Variants in SPIDR observed in about 807,000 individuals in gnomAD.
The protein encoded by SPIDR is scaffold protein involved in DNA repair.
A neutral mutation model predicts 104.6 loss-of-function variants in SPIDR; 93 were observed. The ratio of observed to expected loss-of-function variants is 0.89; its 90% CI spans 0.75 to 1.06. SPIDR has a LOEUF of 1.06. Ranked by LOEUF, SPIDR falls within the 50% of genes least tolerant of loss-of-function variation. The pLI, the probability that SPIDR is intolerant of heterozygous loss-of-function variation, is 0.00. For synonymous variants in SPIDR, 431 were observed against 416.9 expected, an observed-to-expected ratio of 1.03 and a Z score of -0.41; for missense variants, 1,154 against 1,111.2, an observed-to-expected ratio of 1.04 and a Z score of -0.55.
intron 5 of SPIDR, among the ~76,000 whole-genome samples, chr8:47,322,735 A>C (rs1020428139): frequency 6.6e-5 from 10 of 152,188 alleles, no homozygotes; most frequent in African/African-American, 9.7e-5. Context: ...TGGCACATAT[A>C]CACCATGGAA....
intron 1 of SPIDR, among the ~76,000 whole-genome samples, chr8:47,274,496 T>G (rs1026094337): frequency 1.3e-5 from 2 of 152,294 alleles, no homozygotes; most frequent in Admixed American, 1.3e-4. Context: ...CTGCACGTTT[T>G]AAAAATATCT....
At chr8:47,280,564 T>C (rs941746184) in intron 2 of SPIDR, among the ~76,000 whole-genome samples, 88 of 152,268 alleles carry the variant, frequency 5.8e-4, no homozygotes, top group African/African-American at 2.0e-3. Flanking sequence ...GGCTGATTTT[T>C]GTATTTTTTG....
chr8:47,270,472 G>T (rs2035069363), intron 1 of SPIDR, among the ~76,000 whole-genome samples: 1 of 151,986 alleles, frequency 6.6e-6, no homozygotes, highest in African/African-American at 2.4e-5. Context: ...TGCAAAATTG[G>T]TAGTGCTTCC....
intron 5 of SPIDR, among the ~76,000 whole-genome samples, chr8:47,391,415 C>A (rs1317816659): frequency 6.6e-6 from 1 of 152,016 alleles, no homozygotes; most frequent in Non-Finnish European, 1.5e-5. Flanking sequence ...TGGCACACAT[C>A]TGTAGCTTCA....
chr8:47,300,927 AT>A (rs1246037445), intron 5 of SPIDR, among the ~76,000 whole-genome samples: 3 of 152,152 alleles, frequency 2.0e-5, no homozygotes, highest in Non-Finnish European at 4.4e-5. Flanking sequence ...TATTCTGTTG[AT>A]TGGGGGTGGA....
At chr8:47,467,539 A>T (rs1041902473) in intron 8 of SPIDR, among the ~76,000 whole-genome samples, 2 of 152,242 alleles carry the variant, frequency 1.3e-5, no homozygotes, top group African/African-American at 4.8e-5. Context: ...TATCCCTGGG[A>T]TGCAAGATTG....
chr8:47,697,966 T>C (rs1291043978), intron 11 of SPIDR: 1 of 152,178 alleles, frequency 6.6e-6, no homozygotes, highest in East Asian at 1.9e-4. Context: ...CTTCTCTCCT[T>C]GTCTGCTCCA....
chr8:47,389,688 CAAAA>C (rs11295388), intron 5 of SPIDR, among the ~76,000 whole-genome samples: 6 of 62,024 alleles, frequency 9.7e-5, no homozygotes, highest in Admixed American at 2.0e-4. Context: ...GACTCCATCT[CAAAA>C]AAAAAAAAAA....
chr8:47,262,844 T>C (rs1479405855), intron 1 of SPIDR, among the ~76,000 whole-genome samples: 4 of 152,156 alleles, frequency 2.6e-5, no homozygotes, highest in Admixed American at 2.6e-4. Context: ...CAAAAGTACT[T>C]AATGGTTGGA....
chr8:47,282,679 G>C lies in SPIDR; in HGVS notation c.190-1349G>C, dbSNP rs371745985. Among the ~76,000 whole-genome samples, 100 of 152,256 alleles carry C rather than the reference G, an allele frequency of 6.6e-4. No individual in the cohort carries two copies. The East Asian group carries it at 0.019, about 29-fold the overall frequency. ...AAAACTTTCTATTAGCAATAATGCT[G>C]TCTTACTTTCTTATCATTTGTGTAT... On this transcript the variant is annotated intron_variant, in intron 2 of 19. Transcript: ENST00000297423.
intron 5 of SPIDR, among the ~76,000 whole-genome samples, chr8:47,318,796 TC>T (rs2045932513): frequency 7.1e-6 from 1 of 140,290 alleles, no homozygotes; most frequent in Non-Finnish European, 1.5e-5. Flanking sequence ...TATTCAACAT[TC>T]TTAAAGACAA....
At chr8:47,381,416 AC>A (rs529293174) in intron 5 of SPIDR, among the ~76,000 whole-genome samples, 2 of 150,212 alleles carry the variant, frequency 1.3e-5, no homozygotes, top group African/African-American at 4.8e-5. Flanking sequence ...TGTTGCTCTT[AC>A]CATCCAACCT....
chr8:47,691,947 A>G (rs1368371085), intron 11 of SPIDR, among the ~76,000 whole-genome samples: 2 of 151,458 alleles, frequency 1.3e-5, no homozygotes, highest in Non-Finnish European at 2.9e-5. Context: ...TAGCAGCACT[A>G]CTCTTTTATT....
intron 8 of SPIDR, among the ~76,000 whole-genome samples, chr8:47,523,991 G>A (rs564529695): frequency 1.2e-4 from 18 of 152,252 alleles, no homozygotes; most frequent in Non-Finnish European, 1.8e-4. Context: ...CTGAAGTGTC[G>A]GAAGGATACC....
chr8:47,576,115 T>C (rs904626767), intron 8 of SPIDR, among the ~76,000 whole-genome samples: 1 of 151,502 alleles, frequency 6.6e-6, no homozygotes, highest in African/African-American at 2.4e-5. Flanking sequence ...TAAACATTTT[T>C]TTGACAAGGT....
At chr8:47,302,820 G>A (rs911095716) in intron 5 of SPIDR, among the ~76,000 whole-genome samples, 1 of 152,156 alleles carries the variant, frequency 6.6e-6, no homozygotes, top group Non-Finnish European at 1.5e-5. Context: ...TTGTCTCAGA[G>A]GAGTACCTGG....
At chr8:47,437,280 TC>T (rs1481028688) in intron 7 of SPIDR, among the ~76,000 whole-genome samples, 3 of 133,458 alleles carry the variant, frequency 2.2e-5, no homozygotes, top group Non-Finnish European at 4.6e-5. Context: ...AGTGTGATAT[TC>T]CCCTTCCTGT....
At chr8:47,566,433 A>C (rs1338613242) in intron 8 of SPIDR, among the ~76,000 whole-genome samples, 1 of 152,006 alleles carries the variant, frequency 6.6e-6, no homozygotes, top group Non-Finnish European at 1.5e-5. Flanking sequence ...TGCAGCTTTA[A>C]GTGAGTAGTC....
At chr8:47,588,110 A>C (rs1236181100) in intron 8 of SPIDR, among the ~76,000 whole-genome samples, 1 of 118,776 alleles carries the variant, frequency 8.4e-6, no homozygotes, top group Non-Finnish European at 1.7e-5. Context: ...TGCAAACAAA[A>C]TCATGCTGGA....
Sources: gnomAD v4.1 joint callset for allele counts (sites outside exome capture counted in the v4.1 genomes callset) on GRCh38, gnomAD v4.1.1 for gene constraint, MANE v1.5 for transcripts, NCBI Gene and HGNC (gene_info 2026-07-23, HGNC 2026-07-21) for gene names.